Variants in SOX6 observed in about 807,000 individuals in gnomAD.
The protein encoded by SOX6 is SRY-box transcription factor 6, also known as transcription factor SOX-6.
In SOX6, 11 loss-of-function variants were observed where a neutral mutation model predicts 97.8. The ratio of observed to expected loss-of-function variants is 0.11; its 90% CI spans 0.07 to 0.19. The LOEUF (loss-of-function observed/expected upper bound fraction) is 0.19, where lower values mean the gene tolerates loss of function less well. SOX6 is among the 10% of genes least tolerant of loss of function. The probability of loss-of-function intolerance (pLI) is 1.00; values close to 1 mark genes in which losing one functional copy is unlikely to be tolerated. For missense variants in SOX6, 810 were observed against 1,039.5 expected, an observed-to-expected ratio of 0.78 and a Z score of 3.04; for synonymous variants, 360 against 371.4, an observed-to-expected ratio of 0.97 and a Z score of 0.35.
chr11:16,459,228 T>A (rs964509685), intron 1 of SOX6, among the ~76,000 whole-genome samples: 11 of 151,954 alleles, frequency 7.2e-5, no homozygotes, highest in African/African-American at 2.4e-4. Flanking sequence ...AAGAGAATGA[T>A]CCCTGTACTA....
At chr11:16,272,621 T>C (rs1045097165) in intron 3 of SOX6, among the ~76,000 whole-genome samples, 2 of 151,778 alleles carry the variant, frequency 1.3e-5, no homozygotes, top group African/African-American at 2.4e-5. Flanking sequence ...GTTATAGATA[T>C]GAGAAAATAA....
At chr11:16,230,411 T>C (rs1271511941) in intron 4 of SOX6, among the ~76,000 whole-genome samples, 2 of 151,646 alleles carry the variant, frequency 1.3e-5, no homozygotes, top group Admixed American at 6.6e-5. Context: ...TAAAAGTCAA[T>C]AGAGGCAAGT....
At chr11:16,624,921 T>C (rs893525437) in intron 3 of SOX6, among the ~76,000 whole-genome samples, 1 of 152,196 alleles carries the variant, frequency 6.6e-6, no homozygotes, top group Non-Finnish European at 1.5e-5. Flanking sequence ...TGTATAATAC[T>C]TTTTGAGATG....
rs888786555 is a variant in SOX6 at position 16,605,721 on chromosome 11, C to A, written n.609+6360G>T. Among the ~76,000 whole-genome samples the A allele has an allele frequency of 5.3e-5, 8 of 151,978 alleles. No homozygotes were observed. The highest frequency in any genetic ancestry group is 1.9e-4 in the African/African-American group (8 of 41,386). On this transcript the variant is annotated intron_variant and non_coding_transcript_variant, in intron 4 of 5. Coordinates refer to the SOX6 transcript ENST00000524520. The surrounding 1 kb of genome is among the most constrained non-coding windows in gnomAD (Gnocchi z 5.3). ...CCCACAAACAGCCTAAGTTTCCAAA[C>A]CGAAATGGGGGTGGGGTGGGGGTAG...
chr11:16,525,670 G>A, intron 4 of SOX6, among the ~76,000 whole-genome samples: 1 of 148,272 alleles, frequency 6.7e-6, no homozygotes, highest in South Asian at 2.2e-4. Context: ...CACAGCACAA[G>A]AAACTACCAT....
At chr11:16,662,699 CT>C (rs1176375266) in intron 3 of SOX6, among the ~76,000 whole-genome samples, 3 of 152,014 alleles carry the variant, frequency 2.0e-5, no homozygotes, top group Admixed American at 6.6e-5. Context: ...TTTTAAAAAA[CT>C]TTTTTTCTTT....
chr11:16,054,738 A>G (rs1022000657), intron 10 of SOX6, among the ~76,000 whole-genome samples: 6 of 152,224 alleles, frequency 3.9e-5, no homozygotes, highest in African/African-American at 1.4e-4. Flanking sequence ...TACTTTAATC[A>G]CATTACAATA....
chr11:16,014,547 A>C (rs1221401929), intron 13 of SOX6, among the ~76,000 whole-genome samples: 1 of 152,088 alleles, frequency 6.6e-6, no homozygotes, highest in Non-Finnish European at 1.5e-5. Flanking sequence ...ATATACAATT[A>C]TTACTTGTCA....
intron 1 of SOX6, among the ~76,000 whole-genome samples, chr11:16,369,871 A>C (rs1162337793): frequency 6.6e-6 from 1 of 152,140 alleles, no homozygotes; most frequent in Non-Finnish European, 1.5e-5. Flanking sequence ...AGAAACTAGA[A>C]GGTGGGAAGA....
At chr11:16,606,773 A>G (rs1848339299) in intron 4 of SOX6, among the ~76,000 whole-genome samples, 1 of 152,036 alleles carries the variant, frequency 6.6e-6, no homozygotes, top group Non-Finnish European at 1.5e-5. Context: ...TTAATGTCCT[A>G]CGCACAGTTA....
At chr11:16,021,870 T>A (rs1421722156) in intron 12 of SOX6, among the ~76,000 whole-genome samples, 1 of 152,106 alleles carries the variant, frequency 6.6e-6, no homozygotes, top group Non-Finnish European at 1.5e-5. Flanking sequence ...CCCTTTCCAA[T>A]GAGTACTTCC....
At chr11:16,125,816 T>TAGGA (rs3085337) in intron 6 of SOX6, among the ~76,000 whole-genome samples, 13,182 of 99,476 alleles carry the variant, frequency 0.13, 1,021 homozygotes, top group Middle Eastern at 0.19. Flanking sequence ...AAAGAAATCA[T>TAGGA]AGGAAGGAAG....
chr11:16,515,276 T>A (rs1860951052), intron 4 of SOX6, among the ~76,000 whole-genome samples: 2 of 152,276 alleles, frequency 1.3e-5, no homozygotes, highest in South Asian at 4.1e-4. Context: ...GTGGTTTTGA[T>A]TTGCATTTCT....
intron 1 of SOX6, among the ~76,000 whole-genome samples, chr11:16,395,847 A>G (rs1456241541): frequency 6.6e-6 from 1 of 151,812 alleles, no homozygotes; most frequent in Non-Finnish European, 1.5e-5. Context: ...GGCTTCAACT[A>G]TATTGGTAAT....
intron 4 of SOX6, among the ~76,000 whole-genome samples, chr11:16,225,940 A>C (rs575427902): frequency 1.4e-4 from 21 of 152,304 alleles, no homozygotes; most frequent in African/African-American, 4.8e-4. Flanking sequence ...TCCTAATTTT[A>C]CTTCTTTTAG....
chr11:16,722,091 C>G (rs910404291), intron 2 of SOX6, among the ~76,000 whole-genome samples: 1 of 151,976 alleles, frequency 6.6e-6, no homozygotes, highest in Non-Finnish European at 1.5e-5. Context: ...GAAAGACAAC[C>G]TAGGCAATAC....
chr11:16,286,805 T>C (rs766161766), intron 3 of SOX6, among the ~76,000 whole-genome samples: 18 of 152,160 alleles, frequency 1.2e-4, no homozygotes, highest in Non-Finnish European at 2.6e-4. Context: ...TTTGGGTTTA[T>C]TATTTTTTGA....
At chr11:16,213,161 G>T (rs1235960743) in intron 4 of SOX6, among the ~76,000 whole-genome samples, 1 of 151,902 alleles carries the variant, frequency 6.6e-6, no homozygotes, top group Non-Finnish European at 1.5e-5. Context: ...TACTAGGAAG[G>T]TGTCAGAGTG....
chr11:16,202,216 A>C (rs1030650093), intron 4 of SOX6, among the ~76,000 whole-genome samples: 4 of 152,150 alleles, frequency 2.6e-5, no homozygotes, highest in Non-Finnish European at 4.4e-5. Context: ...AATACACACA[A>C]AGAAAACATA....
Sources: allele counts gnomAD v4.1 joint callset (sites outside exome capture counted in the v4.1 genomes callset), GRCh38; gene constraint gnomAD v4.1.1; non-coding constraint Gnocchi (gnomAD v3.1); transcripts MANE v1.5; gene names NCBI Gene and HGNC (gene_info 2026-07-23, HGNC 2026-07-21).